PDE10A: variants seen among roughly 807,000 people sequenced by gnomAD.
PDE10A encodes the protein phosphodiesterase 10A, also known as cAMP and cAMP-inhibited cGMP 3',5'-cyclic phosphodiesterase 10A.
PDE10A carries 39 observed loss-of-function variants against 97.7 expected under a neutral mutation model. That is an observed-to-expected ratio of 0.40 (90% CI 0.31 to 0.52). The LOEUF (loss-of-function observed/expected upper bound fraction) is 0.52, where lower values mean the gene tolerates loss of function less well. PDE10A is among the 20% of genes least tolerant of loss of function. PDE10A has a pLI of 0.56. For synonymous variants in PDE10A, 371 were observed against 376.8 expected (o/e 0.98, Z 0.18); for missense variants, 731 against 1,047.8 (o/e 0.70, Z 4.17).
chr6:165,691,583 A>ACG (rs370669081), intron 1 of PDE10A, among the ~76,000 whole-genome samples: 2,109 of 144,754 alleles, frequency 0.015, 34 homozygotes, highest in African/African-American at 0.05. Flanking sequence ...GCACGCATGC[A>ACG]CGCGCGCGCA....
At chr6:165,515,678 C>G (rs1781760049) in intron 2 of PDE10A, among the ~76,000 whole-genome samples, 2 of 151,934 alleles carry the variant, frequency 1.3e-5, no homozygotes. Flanking sequence ...CATGCGCCAT[C>G]ATGCTTGGCT....
chr6:165,843,410 GC>G (rs1260959560), intron 1 of PDE10A, among the ~76,000 whole-genome samples: 5 of 152,172 alleles, frequency 3.3e-5, no homozygotes. Context: ...CATCACCTCG[GC>G]TACAACAATC....
chr6:165,466,399 G>T (rs1176316618), intron 3 of PDE10A, among the ~76,000 whole-genome samples: 2 of 152,194 alleles, frequency 1.3e-5, no homozygotes, highest in African/African-American at 2.4e-5. Context: ...GGAAAGAAAA[G>T]ATGTAGTTTA....
intron 1 of PDE10A, among the ~76,000 whole-genome samples, chr6:165,611,246 T>C (rs1319275887): frequency 6.6e-6 from 1 of 152,194 alleles, no homozygotes. Context: ...ATTGTTGTAC[T>C]AAGCCATTGA....
intron 3 of PDE10A, among the ~76,000 whole-genome samples, chr6:165,455,106 G>A (rs553535458): frequency 1.5e-4 from 23 of 152,152 alleles, no homozygotes; most frequent in Admixed American, 1.3e-3. Flanking sequence ...AGATTTGGGG[G>A]ACTACTGGAC....
rs543135019 is a variant in PDE10A, at chr6:165,851,869, T to C, written c.-615+135660A>G. ...ACTTTGGGAGGCTGAGGTAGGAGGA[T>C]TGCTTCAGGCCAAGAGTTCAAGACC... is the stretch of plus-strand genomic sequence containing the variant. On this transcript the variant is annotated intron_variant, in intron 1 of 19. Transcript: ENST00000366882. Among the ~76,000 whole-genome samples, 5 of 151,966 alleles carry C rather than the reference T, an allele frequency of 3.3e-5. 1 individual carries two copies. The South Asian group carries it at 1.0e-3, about 32-fold the overall frequency.
chr6:165,542,671 T>G (rs948731967), intron 2 of PDE10A, among the ~76,000 whole-genome samples: 3 of 139,260 alleles, frequency 2.2e-5, no homozygotes, highest in African/African-American at 8.1e-5. Context: ...CAGGCTGGAG[T>G]GCAGTGGCGC....
At chr6:165,551,153 T>C (rs966221414) in intron 1 of PDE10A, among the ~76,000 whole-genome samples, 12 of 152,210 alleles carry the variant, frequency 7.9e-5, no homozygotes, top group African/African-American at 2.9e-4. Context: ...ACAATTGTTC[T>C]AGGCTGTACA....
chr6:165,376,998 C>G (rs1255786155), intron 18 of PDE10A, among the ~76,000 whole-genome samples: 1 of 152,100 alleles, frequency 6.6e-6, no homozygotes, highest in Non-Finnish European at 1.5e-5. Flanking sequence ...CAGAAGCCAC[C>G]AATACTGAGG....
chr6:165,405,085 T>G (rs887232654), intron 13 of PDE10A, among the ~76,000 whole-genome samples: 88 of 148,652 alleles, frequency 5.9e-4, no homozygotes, highest in African/African-American at 1.9e-3. Context: ...GGGAACAAAT[T>G]AAAAAAAAAA....
At chr6:165,971,829 A>T (rs575216270) in intron 1 of PDE10A, among the ~76,000 whole-genome samples, 2 of 152,120 alleles carry the variant, frequency 1.3e-5, no homozygotes, top group African/African-American at 4.8e-5. Flanking sequence ...CAGAGCTTTT[A>T]TTTATTTATT....
chr6:165,346,852 T>C (rs540320495), intron 18 of PDE10A, among the ~76,000 whole-genome samples: 1 of 152,352 alleles, frequency 6.6e-6, no homozygotes, highest in South Asian at 2.1e-4. Flanking sequence ...TTCAAAAGTA[T>C]ACTGATGTAT....
chr6:165,879,636 A>C (rs988822073), intron 1 of PDE10A, among the ~76,000 whole-genome samples: 27 of 152,334 alleles, frequency 1.8e-4, no homozygotes, highest in Middle Eastern at 3.4e-3. Flanking sequence ...CGCTGATGTA[A>C]AACGGTGCAG....
intron 1 of PDE10A, among the ~76,000 whole-genome samples, chr6:165,875,601 A>C (rs1240862337): frequency 6.6e-6 from 1 of 152,212 alleles, no homozygotes; most frequent in Non-Finnish European, 1.5e-5. Context: ...GAACTGGCCC[A>C]TGCACTAATT....
chr6:165,349,191 G>A (rs571112867), intron 18 of PDE10A, among the ~76,000 whole-genome samples: 1 of 152,186 alleles, frequency 6.6e-6, no homozygotes, highest in Admixed American at 6.5e-5. Flanking sequence ...GAATTTCCTA[G>A]AGACTTGGAC....
chr6:165,493,066 A>C (rs2128289020), intron 2 of PDE10A, among the ~76,000 whole-genome samples: 1 of 152,284 alleles, frequency 6.6e-6, no homozygotes, highest in Middle Eastern at 3.4e-3. Flanking sequence ...ACTTGAATCA[A>C]GAACTCAGCC....
intron 1 of PDE10A, among the ~76,000 whole-genome samples, chr6:165,549,846 T>G (rs918512004): frequency 2.6e-5 from 4 of 152,198 alleles, no homozygotes; most frequent in African/African-American, 9.6e-5. Flanking sequence ...GGCTAAAGAA[T>G]TATTGTTTTA....
At chr6:165,686,547 C>A (rs1791125709) in intron 1 of PDE10A, among the ~76,000 whole-genome samples, 1 of 152,172 alleles carries the variant, frequency 6.6e-6, no homozygotes. Context: ...AGAGGTCTTG[C>A]AGGGGCAATG....
At chr6:165,391,989 T>C (rs1785754907) in intron 16 of PDE10A, among the ~76,000 whole-genome samples, 2 of 152,130 alleles carry the variant, frequency 1.3e-5, no homozygotes, top group Middle Eastern at 3.2e-3. Context: ...CCAGGATCAA[T>C]GTGGTCAGAG....
Sources: allele counts gnomAD v4.1 joint callset (sites outside exome capture counted in the v4.1 genomes callset), GRCh38; gene constraint gnomAD v4.1.1; transcripts MANE v1.5; gene names NCBI Gene and HGNC (gene_info 2026-07-23, HGNC 2026-07-21).